Variants in MDGA2 observed in about 807,000 individuals in gnomAD.
The protein encoded by MDGA2 is MAM domain containing glycosylphosphatidylinositol anchor 2.
In MDGA2, 40 loss-of-function variants were observed where a neutral mutation model predicts 117.8. That is an observed-to-expected ratio of 0.34 (90% CI 0.26 to 0.44). The LOEUF is 0.44. Among genes scored for constraint, MDGA2 ranks in the 20% least tolerant of loss-of-function variants. The probability of loss-of-function intolerance (pLI) is 1.00; values close to 1 mark genes in which losing one functional copy is unlikely to be tolerated. For synonymous variants in MDGA2, 452 were observed against 439.0 expected (o/e 1.03, Z -0.37); for missense variants, 1,123 against 1,250.6 (o/e 0.90, Z 1.54).
At chr14:47,100,897 A>G (rs1880266249) in intron 5 of MDGA2, among the ~76,000 whole-genome samples, 1 of 152,144 alleles carries the variant, frequency 6.6e-6, no homozygotes, top group Non-Finnish European at 1.5e-5. Context: ...AGTGCTTAAA[A>G]ATGACTATGG....
chr14:47,088,111 ATATT>A (rs1356525447), intron 6 of MDGA2, among the ~76,000 whole-genome samples: 6 of 152,070 alleles, frequency 3.9e-5, no homozygotes, highest in African/African-American at 1.2e-4. Context: ...ATTTGAAATT[ATATT>A]TATAATTCTT....
chr14:47,143,215 C>T (rs1405096451), intron 4 of MDGA2, among the ~76,000 whole-genome samples: 3 of 152,120 alleles, frequency 2.0e-5, no homozygotes, highest in Non-Finnish European at 4.4e-5. Flanking sequence ...ATCTCTTGAC[C>T]TCATCTCAGC....
At chr14:47,508,503 T>G (rs909874441) in intron 1 of MDGA2, among the ~76,000 whole-genome samples, 3 of 152,132 alleles carry the variant, frequency 2.0e-5, no homozygotes, top group African/African-American at 4.8e-5. Flanking sequence ...AGTCTCCACG[T>G]ATAAGTAAGA....
chr14:47,210,889 G>A (rs944901351), intron 3 of MDGA2, among the ~76,000 whole-genome samples: 8 of 152,062 alleles, frequency 5.3e-5, no homozygotes, highest in African/African-American at 1.9e-4. Flanking sequence ...GAGCCTGAGG[G>A]GGAGGATCCC....
chr14:47,121,542 G>C (rs778742484), intron 5 of MDGA2, among the ~76,000 whole-genome samples: 38 of 152,104 alleles, frequency 2.5e-4, no homozygotes, highest in Middle Eastern at 6.8e-3. Context: ...AAATAAGAAA[G>C]AAAAAGGAAA....
intron 16 of MDGA2, 59 bp from the exon 17 acceptor site, chr14:46,842,078 G>A: frequency 9.4e-7 from 1 of 1,067,452 alleles, no homozygotes; most frequent in Non-Finnish European, 1.4e-6. Context: ...ATTCCACGTA[G>A]CTACTAACAC....
At chr14:46,964,930 T>A in intron 8 of MDGA2, among the ~76,000 whole-genome samples, 1 of 119,922 alleles carries the variant, frequency 8.3e-6, no homozygotes, top group Non-Finnish European at 1.6e-5. Context: ...TTTTTTTTTT[T>A]TTTTTTTTTT....
At chr14:47,274,182 C>G (rs1395526115) in intron 2 of MDGA2, among the ~76,000 whole-genome samples, 1 of 152,010 alleles carries the variant, frequency 6.6e-6, no homozygotes, top group Non-Finnish European at 1.5e-5. Context: ...TTGGTTCCCT[C>G]TAAAAGAAAC....
At chr14:47,387,956 A>G (rs931395675) in intron 1 of MDGA2, among the ~76,000 whole-genome samples, 1 of 152,176 alleles carries the variant, frequency 6.6e-6, no homozygotes, top group African/African-American at 2.4e-5. Flanking sequence ...TTGGCTAGTA[A>G]ATCTCACTTT....
rs189846966 is a variant in MDGA2 at position 47,322,977 on chromosome 14, T to A, written c.281-21427A>T. 9.7e-4 allele frequency among the ~76,000 whole-genome samples: 148 copies of A among 151,868 alleles called. 1 individual carries two copies. Among genetic ancestry groups the A allele is most frequent in the African/African-American group, 3.3e-3 (136 of 41,386 alleles). ...ACAGCTGCATGGTATTAATAGAAAT[T>A]CTGTAGTTGCCATACATAATGAAGG... On this transcript the variant is annotated intron_variant, in intron 1 of 16. Transcript: ENST00000399232.
chr14:47,243,280 T>G (rs1335661662), intron 2 of MDGA2, among the ~76,000 whole-genome samples: 1 of 151,584 alleles, frequency 6.6e-6, no homozygotes, highest in African/African-American at 2.4e-5. Flanking sequence ...GCTCAGGGAT[T>G]GTAAACACAC....
intron 5 of MDGA2, among the ~76,000 whole-genome samples, chr14:47,126,207 T>C (rs983804461): frequency 6.6e-6 from 1 of 152,052 alleles, no homozygotes; most frequent in Admixed American, 6.6e-5. Flanking sequence ...TAAAGATATA[T>C]ATAAATTTTA....
At chr14:47,485,590 T>C (rs8019851) in intron 1 of MDGA2, among the ~76,000 whole-genome samples, 16,491 of 152,198 alleles carry the variant, frequency 0.11, 1,006 homozygotes, top group Middle Eastern at 0.15. Flanking sequence ...CTCCAGGGCA[T>C]GTCACAGGTC....
chr14:47,362,469 T>A (rs571570968), intron 1 of MDGA2, among the ~76,000 whole-genome samples: 58 of 152,236 alleles, frequency 3.8e-4, no homozygotes, highest in African/African-American at 1.4e-3. Flanking sequence ...TAAATGGAAA[T>A]TTGAGGTATT....
In MDGA2 at chr14:46,884,916, G is replaced by A. The variant is rs917737221; in HGVS notation, c.2239-2695C>T. 3.3e-5 allele frequency among the ~76,000 whole-genome samples: 5 copies of A among 151,090 alleles called. No homozygotes were observed. The highest frequency in any genetic ancestry group is 1.2e-4 in the African/African-American group (5 of 40,950). On this transcript the variant is annotated intron_variant, in intron 10 of 16. Transcript: ENST00000399232. The surrounding 1 kb of genome is among the most constrained non-coding windows in gnomAD (Gnocchi z 4.1). ...GGCTGGAGTACAATGATGCTATCTC[G>A]GCTCACTGCAACCTCCGCCTCCAGG...
chr14:47,363,062 T>G (rs966384035), intron 1 of MDGA2, among the ~76,000 whole-genome samples: 4 of 152,144 alleles, frequency 2.6e-5, no homozygotes, highest in Non-Finnish European at 5.9e-5. Context: ...CCCTTATGAA[T>G]AGCTGAAGAT....
chr14:47,335,696 A>G (rs1321595779), intron 1 of MDGA2, among the ~76,000 whole-genome samples: 1 of 131,924 alleles, frequency 7.6e-6, no homozygotes, highest in Non-Finnish European at 1.7e-5. Flanking sequence ...GTGTCAGATT[A>G]TATGTATATG....
intron 1 of MDGA2, among the ~76,000 whole-genome samples, chr14:47,368,343 C>G (rs1372173800): frequency 6.6e-6 from 1 of 151,978 alleles, no homozygotes; most frequent in Admixed American, 6.6e-5. Flanking sequence ...GAATCTGGAA[C>G]TGAAAGAAAT....
chr14:46,842,230 T>G (rs1004463886), intron 16 of MDGA2, among the ~76,000 whole-genome samples: 1 of 152,084 alleles, frequency 6.6e-6, no homozygotes, highest in African/African-American at 2.4e-5. Flanking sequence ...ATAAAAAGAT[T>G]TACAGATTTT....
Sources: gnomAD v4.1 joint callset for allele counts (sites outside exome capture counted in the v4.1 genomes callset) on GRCh38, gnomAD v4.1.1 for gene constraint, Gnocchi (gnomAD v3.1) non-coding constraint, MANE v1.5 for transcripts, NCBI Gene and HGNC (gene_info 2026-07-23, HGNC 2026-07-21) for gene names.